Variants in TJP1 observed in about 807,000 individuals in gnomAD.
TJP1 encodes the protein tight junction protein ZO-1.
In TJP1, 43 loss-of-function variants were observed where a neutral mutation model predicts 194.2. The observed-to-expected ratio is 0.22, with a 90% CI of 0.17 to 0.29. TJP1 has a LOEUF of 0.29. TJP1 is among the 10% of genes least tolerant of loss of function. The pLI, the probability that TJP1 is intolerant of heterozygous loss-of-function variation, is 1.00. For synonymous variants in TJP1, 801 were observed against 779.0 expected, an observed-to-expected ratio of 1.03 and a Z score of -0.47; for missense variants, 1,971 against 2,185.7, an observed-to-expected ratio of 0.90 and a Z score of 1.96.
chr15:29,869,137 T>C (rs1389131652), intron 2 of TJP1, among the ~76,000 whole-genome samples: 1 of 152,138 alleles, frequency 6.6e-6, no homozygotes, highest in African/African-American at 2.4e-5. Flanking sequence ...TATACCAAAA[T>C]TAATTTCAGA....
chr15:29,700,334 G>C lies in TJP1; in HGVS notation c.*1261C>G, dbSNP rs2041463684. On this transcript the variant is annotated 3_prime_UTR_variant, in exon 28 of 28. Coordinates refer to ENST00000614355, the MANE Select transcript of TJP1 (RefSeq NM_001330239.4). ...AAAATACACTTTAGGGCACAGCATT[G>C]TATCACAAATTACAGTAGGGATACT... The C allele has an allele frequency of 2.5e-6, 1 of 398,768 alleles. No homozygotes were observed. 24.7% of individuals were successfully genotyped at this position (398,768 alleles called of 1,614,324 possible). A position where few individuals can be genotyped will look rare whatever the true frequency, so the allele number is the denominator to read the frequency against.
chr15:29,720,820 A>C, intron 18 of TJP1, 112 bp from the exon 19 acceptor site: 1 of 800,094 alleles, frequency 1.2e-6, no homozygotes, highest in Non-Finnish European at 1.9e-6. Context: ...AGTCACATCT[A>C]CTTCTTGAAA....
At chr15:29,931,158 C>A (rs1184557188) in intron 2 of TJP1, among the ~76,000 whole-genome samples, 1 of 152,098 alleles carries the variant, frequency 6.6e-6, no homozygotes, top group Non-Finnish European at 1.5e-5. Context: ...TTAAAAAAAT[C>A]ATATAGAAGA....
intron 2 of TJP1, among the ~76,000 whole-genome samples, chr15:29,833,133 A>G (rs945940503): frequency 3.3e-5 from 5 of 152,230 alleles, no homozygotes; most frequent in African/African-American, 1.2e-4. Flanking sequence ...GAGTGCCACA[A>G]AAAAAAAGTT....
chr15:29,724,789 T>A (rs555803445), intron 18 of TJP1, among the ~76,000 whole-genome samples: 7 of 152,342 alleles, frequency 4.6e-5, no homozygotes, highest in Non-Finnish European at 5.9e-5. Flanking sequence ...GCTTACAAAA[T>A]GCATCAGTCT....
chr15:29,868,035 G>T (rs982209174), intron 2 of TJP1, among the ~76,000 whole-genome samples: 1 of 138,708 alleles, frequency 7.2e-6, no homozygotes, highest in African/African-American at 2.7e-5. Flanking sequence ...TCCAGCTTGG[G>T]TGATAGATTA....
At chr15:29,760,061 CG>C in intron 8 of TJP1, 1 of 533,508 alleles carries the variant, frequency 1.9e-6, no homozygotes, top group Non-Finnish European at 3.3e-6. Flanking sequence ...CCAGAATGGC[CG>C]TATCAATTAC....
chr15:29,887,891 A>G (rs2053172968), intron 2 of TJP1, among the ~76,000 whole-genome samples: 1 of 152,218 alleles, frequency 6.6e-6, no homozygotes, highest in South Asian at 2.1e-4. Context: ...GCAATTTGGC[A>G]ATACATGTAA....
In TJP1 at chr15:29,742,622, T is replaced by C; in HGVS notation, c.1150+20A>G. Reference sequence around the variant, plus strand: ...TCTACTTGCAAATGTTTCTTGAACTTAGTGTTTCGTTATGCTTACCTGGAA... The same window carrying C: ...TCTACTTGCAAATGTTTCTTGAACTCAGTGTTTCGTTATGCTTACCTGGAA... On this transcript the variant is annotated intron_variant, in intron 9 of 27. Coordinates refer to ENST00000614355, the MANE Select transcript of TJP1 (RefSeq NM_001330239.4). 6.5e-7 allele frequency: 1 copy of C among 1,542,496 alleles called. No homozygotes were observed.
upstream of TJP1, chr15:29,823,488 C>T (rs917016328): frequency 2.0e-5 from 3 of 152,232 alleles, no homozygotes; most frequent in Admixed American, 2.0e-4. Flanking sequence ...TATAGTGCCA[C>T]AACCGGCACA....
chr15:29,771,782 G>A (rs922176612), intron 4 of TJP1, among the ~76,000 whole-genome samples: 2 of 150,808 alleles, frequency 1.3e-5, no homozygotes, highest in Non-Finnish European at 2.9e-5. Context: ...TCCAGCTTGG[G>A]CGACAGAGCG....
intron 2 of TJP1, among the ~76,000 whole-genome samples, chr15:29,774,878 T>A (rs2046919308): frequency 6.6e-6 from 1 of 151,674 alleles, no homozygotes; most frequent in South Asian, 2.1e-4. Context: ...TCCCAAAATT[T>A]AATAGAACAA....
intron 2 of TJP1, among the ~76,000 whole-genome samples, chr15:29,800,073 CT>C (rs2048683393): frequency 1.3e-5 from 2 of 152,178 alleles, no homozygotes; most frequent in African/African-American, 4.8e-5. Flanking sequence ...GACTGAATCA[CT>C]TCCCCATTTC....
At chr15:29,787,710 A>G (rs548326582) in intron 2 of TJP1, among the ~76,000 whole-genome samples, 355 of 152,288 alleles carry the variant, frequency 2.3e-3, no homozygotes, top group Non-Finnish European at 3.0e-3. Context: ...ATAATATTCC[A>G]TTCTATGTAT....
chr15:29,852,860 T>C (rs1286159671), intron 2 of TJP1, among the ~76,000 whole-genome samples: 2 of 151,352 alleles, frequency 1.3e-5, no homozygotes, highest in African/African-American at 2.4e-5. Context: ...GCCGAGATCA[T>C]GCCATTGCAT....
intron 8 of TJP1, among the ~76,000 whole-genome samples, chr15:29,745,538 G>T (rs1256340947): frequency 1.3e-5 from 2 of 152,088 alleles, no homozygotes; most frequent in Admixed American, 6.6e-5. Context: ...AAAAATATCT[G>T]ACAAGATTAA....
At chr15:29,957,636 A>T (rs1224227634) in intron 1 of TJP1, among the ~76,000 whole-genome samples, 2 of 152,220 alleles carry the variant, frequency 1.3e-5, no homozygotes. Context: ...CATAGATGTA[A>T]TATAATTTGT....
At chr15:29,785,958 AAG>A (rs1165502667) in intron 2 of TJP1, among the ~76,000 whole-genome samples, 5 of 152,200 alleles carry the variant, frequency 3.3e-5, no homozygotes, top group East Asian at 1.9e-4. Context: ...TCATCTGAAT[AAG>A]AGAGATTTTA....
At chr15:29,949,835 A>T (rs866236488) in intron 2 of TJP1, among the ~76,000 whole-genome samples, 1,641 of 45,198 alleles carry the variant, frequency 0.036, 2 homozygotes, top group Non-Finnish European at 0.04. Flanking sequence ...CACCACCACC[A>T]CCTCCACAAC....
Sources: gnomAD v4.1 joint callset for allele counts (sites outside exome capture counted in the v4.1 genomes callset) on GRCh38, gnomAD v4.1.1 for gene constraint, MANE v1.5 for transcripts, NCBI Gene and HGNC (gene_info 2026-07-23, HGNC 2026-07-21) for gene names.